Variants in CHM observed in about 807,000 individuals in gnomAD.
The protein encoded by CHM is rab proteins geranylgeranyltransferase component A 1.
A neutral mutation model predicts 49.0 loss-of-function variants in CHM; 10 were observed. The ratio of observed to expected loss-of-function variants is 0.20; its 90% CI spans 0.13 to 0.35. CHM has a LOEUF of 0.35. CHM is among the 10% of genes least tolerant of loss of function. The pLI is 1.00. For synonymous variants in CHM, 184 were observed against 167.5 expected (o/e 1.10, Z -0.76); for missense variants, 455 against 478.4 (o/e 0.95, Z 0.46).
chrX:85,951,404 C>T (rs760421548), intron 8 of CHM, among the ~76,000 whole-genome samples: 20 of 110,894 alleles, frequency 1.8e-4, no homozygotes, highest in Non-Finnish European at 3.0e-4. Context: ...GGACTTAAAT[C>T]TAAGCAGTCT....
chrX:86,017,712 T>A (rs1933362051), intron 2 of CHM, among the ~76,000 whole-genome samples: 1 of 111,204 alleles, frequency 9.0e-6, no homozygotes, highest in South Asian at 3.7e-4. Context: ...TGTCATTACA[T>A]TAACATCACA....
chrX:86,009,919 C>A (rs1239908404), intron 2 of CHM, among the ~76,000 whole-genome samples: 1 of 109,762 alleles, frequency 9.1e-6, no homozygotes, highest in Non-Finnish European at 1.9e-5. Flanking sequence ...TTTTAAAAAT[C>A]CATCAATAAT....
chrX:85,914,048 GCA>G (rs932084639), intron 8 of CHM, among the ~76,000 whole-genome samples: 8 of 111,546 alleles, frequency 7.2e-5, no homozygotes, highest in African/African-American at 2.6e-4. Flanking sequence ...AGTGAAATAG[GCA>G]TAGAATGGTT....
At chrX:85,982,858 C>A (rs1255881468) in intron 2 of CHM, among the ~76,000 whole-genome samples, 1 of 111,599 alleles carries the variant, frequency 9.0e-6, no homozygotes, top group Non-Finnish European at 1.9e-5. Context: ...ACTCTTCCAG[C>A]CAGGCACAGT....
intron 8 of CHM, among the ~76,000 whole-genome samples, chrX:85,916,972 A>G (rs887761611): frequency 1.8e-5 from 2 of 112,576 alleles, no homozygotes; most frequent in Non-Finnish European, 1.9e-5. Context: ...AAATCATTCT[A>G]TTGTAAAGAC....
rs763778995 is a variant in CHM at position 85,949,411 on chromosome X, C to T, written c.1166+6742G>A. Among the ~76,000 whole-genome samples the T allele has an allele frequency of 3.6e-5, 4 of 111,635 alleles. No homozygotes were observed. The East Asian group carries it at 1.1e-3, about 32-fold the overall frequency. ...GAGGCCAGTGAGCTTTAGATCACTT[C>T]CCAGTGATCTGTTCATTCTGTTTCT... is the stretch of plus-strand genomic sequence containing the variant. On this transcript the variant is annotated intron_variant, in intron 8 of 14. Coordinates refer to ENST00000357749, the MANE Select transcript of CHM (RefSeq NM_000390.4).
At chrX:85,889,189 G>T (rs749208408) in intron 12 of CHM, among the ~76,000 whole-genome samples, 4 of 111,577 alleles carry the variant, frequency 3.6e-5, no homozygotes, top group Non-Finnish European at 7.5e-5. Context: ...AAAAGCAATT[G>T]CAACAAAAAC....
intron 11 of CHM, among the ~76,000 whole-genome samples, chrX:85,896,495 T>C (rs1366286827): frequency 9.0e-6 from 1 of 110,842 alleles, no homozygotes; most frequent in African/African-American, 3.3e-5. Flanking sequence ...GGAGGGAAGA[T>C]GGTGAGTTCA....
At chrX:85,946,605 T>C (rs1370039321) in intron 8 of CHM, among the ~76,000 whole-genome samples, 2 of 111,615 alleles carry the variant, frequency 1.8e-5, no homozygotes, top group African/African-American at 6.5e-5. Context: ...CCACCGGGAT[T>C]TCAGAGAATA....
At chrX:85,884,899 T>A (rs1603238559) in intron 12 of CHM, among the ~76,000 whole-genome samples, 1 of 111,202 alleles carries the variant, frequency 9.0e-6, no homozygotes, top group African/African-American at 3.3e-5. Flanking sequence ...CTGAGAATTA[T>A]ACATTTTATC....
At chrX:85,917,423 C>A (rs918434541) in intron 8 of CHM, among the ~76,000 whole-genome samples, 2 of 111,040 alleles carry the variant, frequency 1.8e-5, no homozygotes, top group Non-Finnish European at 3.8e-5. Context: ...AACAAACCTG[C>A]AAATGTAGCC....
intron 7 of CHM, among the ~76,000 whole-genome samples, chrX:85,956,793 C>T (rs1039728861): frequency 1.8e-5 from 2 of 110,852 alleles, no homozygotes; most frequent in Non-Finnish European, 3.8e-5. Context: ...TTTTGTAAAA[C>T]GTATACTTCT....
At position 85,997,687 on chromosome X, in the gene CHM, G is replaced by GGCGGTT. The variant is rs780435855; in HGVS notation, c.117-15879_117-15878insAACCGC. 5.0e-4 allele frequency among the ~76,000 whole-genome samples: 56 copies of GGCGGTT among 111,349 alleles called. No homozygotes were observed. In the Middle Eastern group the frequency reaches 0.014, roughly 27 times the overall value. On this transcript the variant is annotated intron_variant, in intron 2 of 14. Coordinates refer to ENST00000357749, the MANE Select transcript of CHM (RefSeq NM_000390.4). The stretch of plus-strand genomic sequence containing the variant: ...GAAGCTGGCTGGGGGCGGTGGCGGT[G>GGCGGTT]GCTCACACCTGTAATCCCAGCACTT...
intron 13 of CHM, among the ~76,000 whole-genome samples, chrX:85,875,728 G>GT (rs1371723486): frequency 2.7e-5 from 3 of 111,258 alleles, no homozygotes; most frequent in South Asian, 3.8e-4. Context: ...GGAAATTTCT[G>GT]TTTTTTTAGG....
intron 1 of CHM, among the ~76,000 whole-genome samples, chrX:86,043,933 C>A (rs1934568981): frequency 9.0e-6 from 1 of 111,089 alleles, no homozygotes; most frequent in Non-Finnish European, 1.9e-5. Flanking sequence ...ATGTGTTTAT[C>A]CTATGCAGTA....
At chrX:85,950,556 C>T (rs5968739) in intron 8 of CHM, among the ~76,000 whole-genome samples, 24,686 of 109,331 alleles carry the variant, frequency 0.23, 2,156 homozygotes, top group Middle Eastern at 0.25. Context: ...TTGAGAGATA[C>T]AGAAGAGAGA....
At position 85,915,554 on chromosome X, in the gene CHM, A is replaced by G. The variant is rs145811488; in HGVS notation, c.1167-4216T>C. On this transcript the variant is annotated intron_variant, in intron 8 of 14. Transcript: ENST00000357749. The stretch of plus-strand genomic sequence containing the variant: ...ATGATCCTATATCTAGAAACCCCAT[A>G]GTCTCAGCCAAAAGTTTCTTAAGCT... Among the ~76,000 whole-genome samples, 1,089 of 112,195 alleles carry G rather than the reference A, an allele frequency of 9.7e-3. 12 individuals carry two copies. Among genetic ancestry groups the G allele is most frequent in the African/African-American group, 0.033 (1,013 of 30,890 alleles).
intron 11 of CHM, among the ~76,000 whole-genome samples, chrX:85,896,022 T>TA (rs1925805942): frequency 9.6e-6 from 1 of 103,680 alleles, no homozygotes; most frequent in African/African-American, 3.6e-5. Flanking sequence ...ATAGAGATGA[T>TA]AAAAAACCAT....
intron 4 of CHM, among the ~76,000 whole-genome samples, chrX:85,964,769 C>T (rs1009903976): frequency 8.9e-6 from 1 of 112,124 alleles, no homozygotes; most frequent in Non-Finnish European, 1.9e-5. Context: ...GCCCCATTTC[C>T]AAATTTATTA....
Sources: allele counts gnomAD v4.1 joint callset (sites outside exome capture counted in the v4.1 genomes callset), GRCh38; gene constraint gnomAD v4.1.1; transcripts MANE v1.5; gene names NCBI Gene and HGNC (gene_info 2026-07-23, HGNC 2026-07-21).